CYP7B1: variants seen among roughly 807,000 people sequenced by gnomAD.
CYP7B1 encodes the protein cytochrome P450 family 7 subfamily B member 1.
Under a neutral mutation model 42.7 loss-of-function variants are expected in CYP7B1, and 29 were observed. That is an observed-to-expected ratio of 0.68 (90% CI 0.51 to 0.93). CYP7B1 has a LOEUF of 0.93. Among genes scored for constraint, CYP7B1 ranks in the 40% least tolerant of loss-of-function variants. CYP7B1 has a pLI of 0.00. For synonymous variants in CYP7B1, 235 were observed against 218.2 expected (o/e 1.08, Z -0.68); for missense variants, 655 against 600.5 (o/e 1.09, Z -0.95).
At chr8:64,794,888 T>C (rs186506479) in intron 1 of CYP7B1, among the ~76,000 whole-genome samples, 14 of 152,008 alleles carry the variant, frequency 9.2e-5, no homozygotes, top group South Asian at 6.2e-4. Context: ...CAACACTTCA[T>C]AGGAAAAAAA....
intron 1 of CYP7B1, among the ~76,000 whole-genome samples, chr8:64,750,311 G>C (rs908834726): frequency 6.6e-5 from 10 of 152,152 alleles, no homozygotes; most frequent in African/African-American, 2.2e-4. Context: ...ACAGGATCTA[G>C]ATCTACTGAC....
intron 3 of CYP7B1, 75 bp downstream of exon 3, chr8:64,615,616 C>T: frequency 6.9e-7 from 1 of 1,450,144 alleles, no homozygotes; most frequent in Non-Finnish European, 9.6e-7. Flanking sequence ...TCAAGGTCGC[C>T]ATTTTGTCTT....
chr8:64,716,057 ATCTTT>A (rs747005385), intron 1 of CYP7B1, among the ~76,000 whole-genome samples: 12 of 152,154 alleles, frequency 7.9e-5, no homozygotes, highest in Non-Finnish European at 1.8e-4. Flanking sequence ...TGCATTTTAA[ATCTTT>A]TCTTATGTTC....
chr8:64,604,315 T>C (rs936600720), intron 5 of CYP7B1, among the ~76,000 whole-genome samples: 3 of 152,330 alleles, frequency 2.0e-5, no homozygotes, highest in African/African-American at 7.2e-5. Context: ...ATAGTTATCA[T>C]CATTTATTCT....
chr8:64,717,788 G>C (rs374603032), intron 1 of CYP7B1, among the ~76,000 whole-genome samples: 1 of 151,696 alleles, frequency 6.6e-6, no homozygotes, highest in Admixed American at 6.6e-5. Flanking sequence ...TGGAGGGTAC[G>C]ATAAGGTGAG....
intron 1 of CYP7B1, among the ~76,000 whole-genome samples, chr8:64,627,265 G>A (rs1481250119): frequency 6.6e-6 from 1 of 151,982 alleles, no homozygotes; most frequent in Non-Finnish European, 1.5e-5. Flanking sequence ...AGAAATATAA[G>A]AAAACCAAAA....
intron 1 of CYP7B1, among the ~76,000 whole-genome samples, chr8:64,763,578 G>A (rs191858260): frequency 2.0e-4 from 30 of 152,320 alleles, no homozygotes; most frequent in African/African-American, 5.8e-4. Flanking sequence ...CCTGTTGGCC[G>A]GTTAAAAACA....
At chr8:64,720,230 A>T (rs1232607644) in intron 1 of CYP7B1, among the ~76,000 whole-genome samples, 2 of 152,172 alleles carry the variant, frequency 1.3e-5, no homozygotes, top group African/African-American at 4.8e-5. Context: ...AAGCTGAATT[A>T]AAAAAAGACG....
At chr8:64,642,167 T>C (rs1027117190) in intron 1 of CYP7B1, among the ~76,000 whole-genome samples, 1 of 152,224 alleles carries the variant, frequency 6.6e-6, no homozygotes, top group East Asian at 1.9e-4. Context: ...AATACACATA[T>C]GCATGTATAG....
chr8:64,647,766 C>T (rs911571355), intron 1 of CYP7B1, among the ~76,000 whole-genome samples: 1 of 152,106 alleles, frequency 6.6e-6, no homozygotes, highest in African/African-American at 2.4e-5. Flanking sequence ...GGATGATGCC[C>T]TCCCGCAGTG....
At chr8:64,715,374 T>C (rs1807140368) in intron 1 of CYP7B1, among the ~76,000 whole-genome samples, 1 of 152,102 alleles carries the variant, frequency 6.6e-6, no homozygotes, top group African/African-American at 2.4e-5. Context: ...GAAAGGGACA[T>C]AAAAGGGCCT....
intron 5 of CYP7B1, among the ~76,000 whole-genome samples, chr8:64,599,075 A>G (rs1357599952): frequency 2.6e-5 from 4 of 152,344 alleles, no homozygotes; most frequent in African/African-American, 9.6e-5. Context: ...TAATCTCACC[A>G]CTGAGATTCT....
chr8:64,748,043 T>C (rs1807670860), intron 1 of CYP7B1, among the ~76,000 whole-genome samples: 1 of 152,106 alleles, frequency 6.6e-6, no homozygotes, highest in South Asian at 2.1e-4. Flanking sequence ...AAACTCCTCT[T>C]CTGGGGACAA....
chr8:64,766,857 C>T (rs1243266245), intron 1 of CYP7B1, among the ~76,000 whole-genome samples: 4 of 152,076 alleles, frequency 2.6e-5, no homozygotes, highest in Admixed American at 1.3e-4. Flanking sequence ...TATGCTTGAC[C>T]ATTGACAGCC....
At chr8:64,777,990 T>C (rs1157306945) in intron 1 of CYP7B1, among the ~76,000 whole-genome samples, 1 of 151,772 alleles carries the variant, frequency 6.6e-6, no homozygotes, top group Non-Finnish European at 1.5e-5. Context: ...AAATTGTGGG[T>C]ATTATGCCAT....
intron 5 of CYP7B1, among the ~76,000 whole-genome samples, chr8:64,598,774 C>T (rs1013134025): frequency 4.6e-5 from 7 of 152,174 alleles, no homozygotes; most frequent in African/African-American, 1.7e-4. Flanking sequence ...AACACCATCC[C>T]TCTAGTTTCC....
chr8:64,752,148 C>A (rs142000295), intron 1 of CYP7B1, among the ~76,000 whole-genome samples: 1 of 151,582 alleles, frequency 6.6e-6, no homozygotes, highest in Non-Finnish European at 1.5e-5. Flanking sequence ...GATGCCACTA[C>A]CTGATCCATG....
At chr8:64,631,629 A>G (rs562634753) in intron 1 of CYP7B1, among the ~76,000 whole-genome samples, 2 of 152,300 alleles carry the variant, frequency 1.3e-5, no homozygotes, top group Admixed American at 6.5e-5. Context: ...GAGTCAAAAG[A>G]AAACCTACAG....
intron 5 of CYP7B1, among the ~76,000 whole-genome samples, chr8:64,601,855 A>AT (rs1188536851): frequency 1.3e-5 from 2 of 152,202 alleles, no homozygotes; most frequent in African/African-American, 4.8e-5. Flanking sequence ...CAGTGGTCCT[A>AT]TTTAGATGTC....
Sources: gnomAD v4.1 joint callset for allele counts (sites outside exome capture counted in the v4.1 genomes callset) on GRCh38, gnomAD v4.1.1 for gene constraint, MANE v1.5 for transcripts, NCBI Gene and HGNC (gene_info 2026-07-23, HGNC 2026-07-21) for gene names.